PCDHGA10: variants seen among roughly 807,000 people sequenced by gnomAD.
PCDHGA10 encodes the protein protocadherin gamma-A10.
Under a neutral mutation model 59.5 loss-of-function variants are expected in PCDHGA10, and 42 were observed. The observed-to-expected ratio is 0.71, with a 90% CI of 0.55 to 0.91. The LOEUF is 0.91. PCDHGA10 is among the 40% of genes least tolerant of loss of function. The pLI is 0.00. For synonymous variants in PCDHGA10, 511 were observed against 517.2 expected, an observed-to-expected ratio of 0.99 and a Z score of 0.16; for missense variants, 1,111 against 1,198.2, an observed-to-expected ratio of 0.93 and a Z score of 1.07.
chr5:141,510,223 G>C (rs944276162), intron 3 of PCDHGA10, among the ~76,000 whole-genome samples: 1 of 151,302 alleles, frequency 6.6e-6, no homozygotes, highest in African/African-American at 2.4e-5. Context: ...CAGTGAGCCG[G>C]GATCGCGCCA....
intron 1 of PCDHGA10, 137 bp from the exon 2 acceptor site, chr5:141,494,670 C>T: frequency 6.5e-7 from 1 of 1,529,402 alleles, no homozygotes; most frequent in Non-Finnish European, 8.8e-7. Flanking sequence ...GGAGATGAGT[C>T]CACCCCTGCC....
chr5:141,423,265 G>A (rs973635802), intron 1 of PCDHGA10: 15 of 1,613,548 alleles, frequency 9.3e-6, no homozygotes, highest in African/African-American at 1.3e-5. Context: ...CGGCAGCCTC[G>A]AGTCTCTGGC....
chr5:141,487,455 A>G lies in PCDHGA10; in HGVS notation c.2437-7352A>G, dbSNP rs751456631. 6.2e-7 allele frequency: 1 copy of G among 1,614,122 alleles called. No individual in the cohort carries two copies. The highest frequency in any genetic ancestry group is 8.5e-7 in the Non-Finnish European group (1 of 1,180,032). On this transcript the variant is annotated intron_variant, in intron 1 of 3. Coordinates refer to ENST00000398610, the MANE Select transcript of PCDHGA10 (RefSeq NM_018913.3). The surrounding 1 kb of genome is among the most constrained non-coding windows in gnomAD (Gnocchi z 5.0). ...CAGCTAGGGTCAGATGACCCTATCA[A>G]GTTTGTTGATGTGGGAGGCCACTCT...
intron 1 of PCDHGA10, chr5:141,441,114 T>A (rs1239606502): frequency 6.6e-6 from 1 of 152,218 alleles, no homozygotes; most frequent in Non-Finnish European, 1.5e-5. Context: ...TTGTCCAGTG[T>A]ACAGTTGAGA....
intron 1 of PCDHGA10, among the ~76,000 whole-genome samples, chr5:141,444,312 C>G (rs2098431691): frequency 6.6e-6 from 1 of 151,856 alleles, no homozygotes; most frequent in Non-Finnish European, 1.5e-5. Flanking sequence ...GCTAGGATTA[C>G]AGGCATGTGC....
intron 1 of PCDHGA10, among the ~76,000 whole-genome samples, chr5:141,450,485 TTGTC>T (rs1466269978): frequency 1.3e-5 from 2 of 152,158 alleles, no homozygotes; most frequent in African/African-American, 2.4e-5. Flanking sequence ...GTTTGTTTGT[TTGTC>T]TGTTTGTTTG....
chr5:141,467,506 G>A (rs1364362269), intron 1 of PCDHGA10, among the ~76,000 whole-genome samples: 1 of 152,094 alleles, frequency 6.6e-6, no homozygotes, highest in Non-Finnish European at 1.5e-5. Flanking sequence ...TGATCTAATT[G>A]GAGTTTATTC....
chr5:141,509,765 T>G (rs1312823974), intron 3 of PCDHGA10, among the ~76,000 whole-genome samples: 2 of 152,120 alleles, frequency 1.3e-5, no homozygotes, highest in Non-Finnish European at 1.5e-5. Flanking sequence ...GTCCCTGAGA[T>G]GTCTAGTCCC....
At chr5:141,448,782 T>C (rs2098606045) in intron 1 of PCDHGA10, among the ~76,000 whole-genome samples, 1 of 148,758 alleles carries the variant, frequency 6.7e-6, no homozygotes, top group Non-Finnish European at 1.5e-5. Flanking sequence ...GTACTAAAAA[T>C]ACAAAAAAAA....
rs201022238 is a variant in PCDHGA10 at position 141,415,678 on chromosome 5, G to A, written c.2436+67G>A. 470 of 1,555,406 alleles carry A rather than the reference G, an allele frequency of 3.0e-4. 2 individuals carry two copies. In the African/African-American group the frequency reaches 5.9e-3, roughly 20 times the overall value. ...GATTGGTTTTTACTTTGAAGTTTGC[G>A]GCATGATGGTGGAAAGTGTAAATGC... On this transcript the variant is annotated intron_variant, in intron 1 of 3. Coordinates refer to ENST00000398610, the MANE Select transcript of PCDHGA10 (RefSeq NM_018913.3).
rs919100488 is a variant in PCDHGA10 at position 141,511,573 on chromosome 5, G to A, written c.*400G>A. On this transcript the variant is annotated 3_prime_UTR_variant, in exon 4 of 4. Transcript: ENST00000398610. ...ACAGTTCCTCTTTCCCGAGTAAGGT[G>A]GTTGGGGTGTTGAAGTACCAAGTAA... 1.1e-4 allele frequency: 33 copies of A among 288,248 alleles called. No individual in the cohort carries two copies. Among genetic ancestry groups the A allele is most frequent in the African/African-American group, 7.1e-4 (33 of 46,356 alleles). The allele number at this position is 288,248 out of a possible 1,614,324, so 17.9% of individuals were successfully genotyped here.
At chr5:141,474,447 G>A (rs1263877262) in intron 1 of PCDHGA10, among the ~76,000 whole-genome samples, 1 of 152,218 alleles carries the variant, frequency 6.6e-6, no homozygotes, top group Non-Finnish European at 1.5e-5. Flanking sequence ...AGTAGCAAGT[G>A]ATTGGGCTAT....
chr5:141,434,194 G>A (rs913533813), intron 1 of PCDHGA10, among the ~76,000 whole-genome samples: 7 of 152,190 alleles, frequency 4.6e-5, no homozygotes, highest in African/African-American at 4.8e-5. Flanking sequence ...TAATTCCAAT[G>A]TACTTACTTC....
chr5:141,503,763 T>C (rs1014883264), intron 2 of PCDHGA10, among the ~76,000 whole-genome samples: 1 of 152,174 alleles, frequency 6.6e-6, no homozygotes, highest in Non-Finnish European at 1.5e-5. Context: ...ATGGCAGCCT[T>C]GTGTCTGTTC....
chr5:141,428,043 A>G, intron 1 of PCDHGA10: 1 of 1,608,722 alleles, frequency 6.2e-7, no homozygotes, highest in Non-Finnish European at 8.5e-7. Flanking sequence ...CTACCTGGTG[A>G]CCAAGGTGGT....
chr5:141,433,401 A>ATCTATCTATCTATCTC (rs1444244130), intron 1 of PCDHGA10, among the ~76,000 whole-genome samples: 1 of 150,482 alleles, frequency 6.6e-6, no homozygotes, highest in African/African-American at 2.4e-5. Context: ...CTATCTATCT[A>ATCTATCTATCTATCTC]TCTATTACTT....
At chr5:141,499,451 T>A (rs1378621877) in intron 2 of PCDHGA10, among the ~76,000 whole-genome samples, 3 of 152,130 alleles carry the variant, frequency 2.0e-5, no homozygotes, top group Non-Finnish European at 4.4e-5. Flanking sequence ...AAACCACCCA[T>A]CATTTTACAA....
chr5:141,511,144 A>C lies in PCDHGA10; in HGVS notation c.2782A>C (p.Lys928Gln). 2 of 1,614,202 alleles carry C rather than the reference A, an allele frequency of 1.2e-6. No homozygotes were observed. The highest frequency in any genetic ancestry group is 1.7e-6 in the Non-Finnish European group (2 of 1,180,016). The change falls in exon 4 of 4, where the codon AAG becomes CAG. Residue 928 changes from lysine to glutamine, a missense_variant. By Grantham distance (53) the Lys-to-Gln change is moderately conservative. Transcript: ENST00000398610. Reference sequence around the variant, plus strand: ...CCCAGCAGGTGGCAATGGCAACAAGAAGAAGTCGGGCAAGAAGGAGAAGAA... The same window carrying C: ...CCCAGCAGGTGGCAATGGCAACAAGCAGAAGTCGGGCAAGAAGGAGAAGAA... ...KAPAGGNGNK[K>Q]KSGKKEKK
At chr5:141,478,088 A>G (rs2099429877) in intron 1 of PCDHGA10, 2 of 1,613,944 alleles carry the variant, frequency 1.2e-6, no homozygotes, top group African/African-American at 1.3e-5. Context: ...TTCGCTCTCC[A>G]CCACTGCTAC....
Sources: allele counts gnomAD v4.1 joint callset (sites outside exome capture counted in the v4.1 genomes callset), GRCh38; gene constraint gnomAD v4.1.1; non-coding constraint Gnocchi (gnomAD v3.1); transcripts MANE v1.5; gene names NCBI Gene and HGNC (gene_info 2026-07-23, HGNC 2026-07-21).